NT5C2: variants seen among roughly 807,000 people sequenced by gnomAD.
NT5C2 encodes 5'-nucleotidase, cytosolic II.
Under a neutral mutation model 76.1 loss-of-function variants are expected in NT5C2, and 58 were observed. The observed-to-expected ratio is 0.76, with a 90% CI of 0.62 to 0.95. NT5C2 has a LOEUF of 0.95. Ranked by LOEUF, NT5C2 falls within the 40% of genes least tolerant of loss-of-function variation. NT5C2 has a pLI of 0.00. For synonymous variants in NT5C2, 229 were observed against 237.4 expected (o/e 0.96, Z 0.32); for missense variants, 478 against 690.3 (o/e 0.69, Z 3.45).
chr10:103,129,562 CGGGAGGGA>C (rs2077567237), intron 4 of NT5C2, among the ~76,000 whole-genome samples: 2 of 99,534 alleles, frequency 2.0e-5, no homozygotes, highest in Non-Finnish European at 2.1e-5. Flanking sequence ...CCGCCCCGTC[CGGGAGGGA>C]GGTGGGGGTG....
At chr10:103,151,425 C>T (rs1192026881) in intron 3 of NT5C2, among the ~76,000 whole-genome samples, 1 of 150,250 alleles carries the variant, frequency 6.7e-6, no homozygotes, top group Non-Finnish European at 1.5e-5. Context: ...GATTACGCCA[C>T]TGCACTCCAG....
chr10:103,114,595 T>C (rs1464243794), intron 4 of NT5C2, among the ~76,000 whole-genome samples: 2 of 152,204 alleles, frequency 1.3e-5, no homozygotes, highest in Non-Finnish European at 2.9e-5. Flanking sequence ...ATTGAAGTGT[T>C]TGACTACCTT....
At chr10:103,163,598 T>C (rs2085503771) in intron 3 of NT5C2, among the ~76,000 whole-genome samples, 1 of 152,156 alleles carries the variant, frequency 6.6e-6, no homozygotes, top group Non-Finnish European at 1.5e-5. Flanking sequence ...ATTTCATAAT[T>C]TGGTTATTTT....
chr10:103,132,241 GAA>G (rs539460535), intron 4 of NT5C2, among the ~76,000 whole-genome samples: 4 of 123,002 alleles, frequency 3.3e-5, no homozygotes, highest in East Asian at 2.3e-4. Context: ...ACTTCATCTC[GAA>G]AAAAAAAAAA....
chr10:103,109,500 C>A (rs1033280913), intron 4 of NT5C2, among the ~76,000 whole-genome samples: 2 of 152,170 alleles, frequency 1.3e-5, no homozygotes, highest in Non-Finnish European at 2.9e-5. Context: ...ACCAAGGCCC[C>A]ATTTATTTCA....
intron 3 of NT5C2, among the ~76,000 whole-genome samples, chr10:103,161,447 G>A (rs2084857319): frequency 6.6e-6 from 1 of 152,210 alleles, no homozygotes; most frequent in African/African-American, 2.4e-5. Context: ...ACCAGGAAGT[G>A]CTGGGATTAC....
chr10:103,120,456 A>G (rs1565053340), intron 4 of NT5C2, among the ~76,000 whole-genome samples: 1 of 152,162 alleles, frequency 6.6e-6, no homozygotes, highest in East Asian at 1.9e-4. Context: ...AGTTATTTTA[A>G]AAACCTAATT....
chr10:103,102,948 G>A (rs1202686087), intron 6 of NT5C2, among the ~76,000 whole-genome samples: 3 of 151,828 alleles, frequency 2.0e-5, no homozygotes, highest in Non-Finnish European at 1.5e-5. Context: ...CACTTAGTGT[G>A]CAGAGAAGGA....
intron 3 of NT5C2, among the ~76,000 whole-genome samples, chr10:103,163,872 A>AAC: frequency 1.8e-5 from 1 of 54,174 alleles, no homozygotes; most frequent in South Asian, 6.6e-4. Flanking sequence ...AAAAAAAAAC[A>AAC]AAAAAAAAAA....
chr10:103,089,156 TA>T lies in NT5C2; in HGVS notation c.*515del. 4.4e-6 allele frequency: 1 copy of T among 226,378 alleles called. No individual in the cohort carries two copies. Among genetic ancestry groups the T allele is most frequent in the Non-Finnish European group, 8.8e-6 (1 of 113,784 alleles). The allele number at this position is 226,378 out of a possible 1,614,324, so 14.0% of individuals were successfully genotyped here. A position where few individuals can be genotyped will look rare whatever the true frequency, so the allele number is the denominator to read the frequency against. ...CTTGCCAGAGTCACTGAGGATGAAT[TA>T]AAGGCTTATAAAAGAAAACTTGACC... is the stretch of plus-strand genomic sequence containing the variant. On this transcript the variant is annotated 3_prime_UTR_variant, in exon 19 of 19. Coordinates refer to ENST00000404739, the MANE Select transcript of NT5C2 (RefSeq NM_001351169.2).
intron 2 of NT5C2, among the ~76,000 whole-genome samples, chr10:103,176,623 C>T (rs1481639668): frequency 6.6e-6 from 1 of 152,102 alleles, no homozygotes; most frequent in Non-Finnish European, 1.5e-5. Context: ...TCACTGCATC[C>T]CAGGCTCAAG....
intron 12 of NT5C2, among the ~76,000 whole-genome samples, chr10:103,095,513 G>A (rs1339559490): frequency 6.6e-6 from 1 of 152,144 alleles, no homozygotes; most frequent in Non-Finnish European, 1.5e-5. Flanking sequence ...GTGCTCTCTT[G>A]GCAAAAACTT....
At chr10:103,188,577 T>C (rs899055007) in intron 1 of NT5C2, among the ~76,000 whole-genome samples, 1 of 152,232 alleles carries the variant, frequency 6.6e-6, no homozygotes, top group Non-Finnish European at 1.5e-5. Context: ...GCATTGAACG[T>C]GGAAGACTCT....
At chr10:103,089,968 A>C in intron 18 of NT5C2, 60 bp from the exon 19 acceptor site, 2 of 1,383,782 alleles carry the variant, frequency 1.4e-6, no homozygotes, top group Non-Finnish European at 2.0e-6. Context: ...TACTCCCCAA[A>C]TCCTAACCCC....
chr10:103,089,980 C>G, intron 18 of NT5C2, 72 bp from the exon 19 acceptor site: 2 of 1,271,100 alleles, frequency 1.6e-6, no homozygotes, highest in Non-Finnish European at 2.2e-6. Flanking sequence ...CCTAACCCCT[C>G]TCCTCTGTTA....
intron 4 of NT5C2, among the ~76,000 whole-genome samples, chr10:103,125,794 G>T (rs1306594010): frequency 6.6e-6 from 1 of 152,070 alleles, no homozygotes; most frequent in Non-Finnish European, 1.5e-5. Context: ...TCCACTGTTG[G>T]TAACAACAAA....
In NT5C2 at chr10:103,094,327, CAG is replaced by C. The variant is rs768682755; in HGVS notation, c.921+19_921+20del. 18 of 1,414,258 alleles carry C rather than the reference CAG, an allele frequency of 1.3e-5. No homozygotes were observed. The highest frequency in any genetic ancestry group is 1.8e-5 in the Non-Finnish European group (18 of 997,960). The allele number at this position is 1,414,258 out of a possible 1,614,324, so 87.6% of individuals were successfully genotyped here. A position where few individuals can be genotyped will look rare whatever the true frequency, so the allele number is the denominator to read the frequency against. ...CATTAAGGACAATGTGCTAGCAAGACAGATCATTCTCATGACTTACAGTATCC... is the reference window on the plus strand; with the variant it reads ...CATTAAGGACAATGTGCTAGCAAGACATCATTCTCATGACTTACAGTATCC... On this transcript the variant is annotated intron_variant, in intron 13 of 18. Coordinates refer to ENST00000404739, the MANE Select transcript of NT5C2 (RefSeq NM_001351169.2).
rs77055135 is a variant in NT5C2, at chr10:103,113,496, A to G, written c.176-6790T>C. ...TAATACAAAAACAGAAATAGCTAAT[A>G]TTTTTTTTTTCAAAAATAAAAACAG... On this transcript the variant is annotated intron_variant, in intron 4 of 18. Coordinates refer to ENST00000404739, the MANE Select transcript of NT5C2 (RefSeq NM_001351169.2). 2.6e-3 allele frequency among the ~76,000 whole-genome samples: 326 copies of G among 123,806 alleles called. 2 individuals are homozygous for G. Among genetic ancestry groups the G allele is most frequent in the South Asian group, 0.016 (52 of 3,198 alleles). 81.2% of individuals were successfully genotyped at this position (123,806 alleles called of 152,430 possible).
chr10:103,134,844 TCAG>T (rs752700554), intron 4 of NT5C2, among the ~76,000 whole-genome samples: 3 of 152,220 alleles, frequency 2.0e-5, no homozygotes, highest in Non-Finnish European at 4.4e-5. Context: ...ACCTCTTGCA[TCAG>T]CAAGACCTGG....
Sources: gnomAD v4.1 joint callset for allele counts (sites outside exome capture counted in the v4.1 genomes callset) on GRCh38, gnomAD v4.1.1 for gene constraint, MANE v1.5 for transcripts, NCBI Gene and HGNC (gene_info 2026-07-23, HGNC 2026-07-21) for gene names.